PRIM2: variants seen among roughly 807,000 people sequenced by gnomAD.
PRIM2 encodes the protein DNA primase subunit 2.
In PRIM2, 39 loss-of-function variants were observed where a neutral mutation model predicts 67.3. That is an observed-to-expected ratio of 0.58 (90% confidence interval 0.45 to 0.76). PRIM2 has a LOEUF of 0.76. Ranked by LOEUF, PRIM2 falls within the 30% of genes least tolerant of loss-of-function variation. The pLI is 0.00. For synonymous variants in PRIM2, 143 were observed against 198.7 expected (o/e 0.72, Z 2.36); for missense variants, 398 against 598.7 (o/e 0.66, Z 3.50).
intron 12 of PRIM2, among the ~76,000 whole-genome samples, chr6:57,614,991 T>C (rs1232884495): frequency 1.3e-5 from 2 of 152,262 alleles, no homozygotes; most frequent in Non-Finnish European, 2.9e-5. Flanking sequence ...CTATCAATAG[T>C]TTCTGCCTAA....
chr6:57,256,631 T>TAC, the PRIM2 span, among the ~76,000 whole-genome samples: 10,833 of 140,892 alleles, frequency 0.077, 392 homozygotes, highest in African/African-American at 0.11. Context: ...CTCTTTCTCT[T>TAC]ACACACACAC....
chr6:57,621,989 C>T (rs1212382913), intron 12 of PRIM2, among the ~76,000 whole-genome samples: 37 of 151,860 alleles, frequency 2.4e-4, no homozygotes, highest in African/African-American at 6.8e-4. Flanking sequence ...CTCACTCTGT[C>T]GCCCAGGCTG....
the PRIM2 span, among the ~76,000 whole-genome samples, chr6:57,307,650 T>C: frequency 1.3e-5 from 2 of 152,114 alleles, no homozygotes; most frequent in African/African-American, 2.4e-5. Context: ...TTACTGTCTC[T>C]AGGTCTGAAA....
chr6:57,460,216 A>C (rs12213626), intron 7 of PRIM2, among the ~76,000 whole-genome samples: 1 of 152,238 alleles, frequency 6.6e-6, no homozygotes, highest in Non-Finnish European at 1.5e-5. Context: ...CTTAGAGCTA[A>C]AAGTGGCTTG....
intron 7 of PRIM2, among the ~76,000 whole-genome samples, chr6:57,455,483 A>G (rs1216167507): frequency 2.8e-4 from 43 of 152,282 alleles, no homozygotes; most frequent in Admixed American, 5.2e-4. Context: ...TATTGGGTGC[A>G]TATATATTTA....
At chr6:57,463,892 G>A (rs1353126307) in intron 7 of PRIM2, among the ~76,000 whole-genome samples, 7 of 152,106 alleles carry the variant, frequency 4.6e-5, no homozygotes, top group Non-Finnish European at 8.8e-5. Flanking sequence ...TTTTATGATC[G>A]AGTCCCTGCC....
chr6:57,380,128 C>T lies in PRIM2; in HGVS notation c.555+132C>T, dbSNP rs1581845703. ...ACTCTGTCTCCTGCACAGATACTGT[C>T]CTCATTGCACTAATGGTGTGCCAAT... On this transcript the variant is annotated intron_variant, in intron 6 of 13. Coordinates refer to ENST00000615550, the MANE Select transcript of PRIM2 (RefSeq NM_000947.5). 7 of 664,412 alleles carry T rather than the reference C, an allele frequency of 1.1e-5. No individual in the cohort carries two copies. The South Asian group carries it at 1.5e-4, about 14-fold the overall frequency. The allele number at this position is 664,412 out of a possible 1,614,324, so 41.2% of individuals were successfully genotyped here.
chr6:57,556,922 TAAAAG>T (rs1775523980), intron 10 of PRIM2, among the ~76,000 whole-genome samples: 1 of 145,704 alleles, frequency 6.9e-6, no homozygotes, highest in Non-Finnish European at 1.5e-5. Flanking sequence ...AACTTAAATT[TAAAAG>T]AAAAACAAAA....
At position 57,361,366 on chromosome 6, in the gene PRIM2, T is replaced by C. The variant is rs9475875; in HGVS notation, c.460-18535T>C. Among the ~76,000 whole-genome samples the C allele has an allele frequency of 9.1e-3, 1,390 of 152,202 alleles. 10 individuals carry two copies. The highest frequency in any genetic ancestry group is 0.032 in the African/African-American group (1,309 of 41,510). ...ATGAAGCGCTTGGACACTGTGGCACTGTAAGTAGGATTAGAACCGTGACTT... is the reference window on the plus strand; with the variant it reads ...ATGAAGCGCTTGGACACTGTGGCACCGTAAGTAGGATTAGAACCGTGACTT... On this transcript the variant is annotated intron_variant, in intron 5 of 13. Coordinates refer to ENST00000615550, the MANE Select transcript of PRIM2 (RefSeq NM_000947.5).
At chr6:57,395,162 C>T (rs1270864455) in intron 7 of PRIM2, among the ~76,000 whole-genome samples, 10 of 151,956 alleles carry the variant, frequency 6.6e-5, no homozygotes, top group African/African-American at 1.9e-4. Flanking sequence ...GGTATTAGGG[C>T]GATGCTGGTT....
At chr6:57,293,839 G>A in the PRIM2 span, among the ~76,000 whole-genome samples, 1 of 151,800 alleles carries the variant, frequency 6.6e-6, no homozygotes, top group African/African-American at 2.4e-5. Flanking sequence ...CCTGTTGGGG[G>A]GTGGGGGTCT....
intron 5 of PRIM2, among the ~76,000 whole-genome samples, chr6:57,342,260 A>G (rs1035745060): frequency 6.6e-6 from 1 of 152,176 alleles, no homozygotes; most frequent in African/African-American, 2.4e-5. Context: ...TCATTCTTTG[A>G]CCTATATGTA....
rs1431865532 is a variant in PRIM2 at position 57,534,177 on chromosome 6, A to G, written c.834+1694A>G. 5.9e-5 allele frequency among the ~76,000 whole-genome samples: 9 copies of G among 152,206 alleles called. No homozygotes were observed. The East Asian group carries it at 1.4e-3, about 23-fold the overall frequency. On this transcript the variant is annotated intron_variant, in intron 9 of 13. Transcript: ENST00000615550. ...TAGAGACAACTTTCCCCCCGAGTTC[A>G]TATATAGGTATGCGGTGAGTGTCTT...
intron 7 of PRIM2, among the ~76,000 whole-genome samples, chr6:57,468,736 A>G (rs1247778096): frequency 2.2e-3 from 331 of 152,264 alleles, no homozygotes; most frequent in African/African-American, 7.6e-3. Context: ...GGTGTATGTC[A>G]CTGACAACTT....
At chr6:57,331,147 C>T (rs1323492360) in intron 5 of PRIM2, among the ~76,000 whole-genome samples, 3 of 150,388 alleles carry the variant, frequency 2.0e-5, no homozygotes, top group Admixed American at 1.3e-4. Context: ...GAGATCGTAC[C>T]ACTGCACTCC....
intron 7 of PRIM2, among the ~76,000 whole-genome samples, chr6:57,387,396 A>G (rs1770188738): frequency 6.6e-6 from 1 of 152,198 alleles, no homozygotes; most frequent in Non-Finnish European, 1.5e-5. Flanking sequence ...GAAAGGGGTT[A>G]TAATGTGCAT....
At chr6:57,445,243 T>C (rs1772327428) in intron 7 of PRIM2, among the ~76,000 whole-genome samples, 1 of 152,168 alleles carries the variant, frequency 6.6e-6, no homozygotes, top group African/African-American at 2.4e-5. Context: ...GATTCTAGGG[T>C]ATCTCTTCAT....
chr6:57,553,745 T>C (rs1775451488), intron 10 of PRIM2, among the ~76,000 whole-genome samples: 1 of 152,186 alleles, frequency 6.6e-6, no homozygotes. Context: ...TGCAGTGTGG[T>C]CTTTAGAGTT....
intron 10 of PRIM2, among the ~76,000 whole-genome samples, chr6:57,541,751 C>G (rs1470378021): frequency 1.3e-5 from 2 of 152,128 alleles, no homozygotes; most frequent in Admixed American, 1.3e-4. Flanking sequence ...GAAGGAAATT[C>G]CCTCTTACTC....
Sources: gnomAD v4.1 joint callset for allele counts (sites outside exome capture counted in the v4.1 genomes callset) on GRCh38, gnomAD v4.1.1 for gene constraint, MANE v1.5 for transcripts, NCBI Gene and HGNC (gene_info 2026-07-23, HGNC 2026-07-21) for gene names.